Variants in G3BP1 observed in about 807,000 individuals in gnomAD.
G3BP1 encodes G3BP stress granule assembly factor 1.
Under a neutral mutation model 58.6 loss-of-function variants are expected in G3BP1, and 35 were observed. The ratio of observed to expected loss-of-function variants is 0.60; its 90% CI spans 0.46 to 0.79. The LOEUF is 0.79. Among genes scored for constraint, G3BP1 ranks in the 30% least tolerant of loss-of-function variants. The pLI is 0.00. For missense variants in G3BP1, 523 were observed against 580.8 expected (o/e 0.90, Z 1.02); for synonymous variants, 191 against 195.4 (o/e 0.98, Z 0.19).
At chr5:151,778,653 G>A (rs1391304438) in intron 1 of G3BP1, among the ~76,000 whole-genome samples, 2 of 151,972 alleles carry the variant, frequency 1.3e-5, no homozygotes, top group Admixed American at 6.5e-5. Flanking sequence ...TGTTGGCCAA[G>A]CTAGTCTCGA....
intron 1 of G3BP1, among the ~76,000 whole-genome samples, chr5:151,782,376 T>A (rs569070578): frequency 6.6e-6 from 1 of 152,334 alleles, no homozygotes; most frequent in South Asian, 2.1e-4. Flanking sequence ...GTTTTAAAGT[T>A]CATTTGTCAT....
chr5:151,780,229 C>T (rs1762442895), intron 1 of G3BP1, among the ~76,000 whole-genome samples: 1 of 152,212 alleles, frequency 6.6e-6, no homozygotes, highest in South Asian at 2.1e-4. Context: ...CCATTTAGTA[C>T]TTTCCTGAGA....
Position 151,799,927 on chromosome 5 carries a change from A to G in G3BP1, c.882A>G (p.Pro294=), listed in dbSNP as rs748766011. ...CTAAGCCTGAATCTCAGATTCCACC[A>G]CAAAGACCTCAGCGGGATCAAAGAG... is the stretch of plus-strand genomic sequence containing the variant. ...PESKPESQIP[P]QRPQRDQRVR... The change falls in exon 9 of 12, where the codon CCA becomes CCG. Residue 294 remains proline (P), a synonymous_variant. Transcript: ENST00000356245. The G allele has an allele frequency of 5.0e-6, 8 of 1,613,588 alleles. No homozygotes were observed. Among genetic ancestry groups the G allele is most frequent in the Non-Finnish European group, 1.7e-6 (2 of 1,179,488 alleles).
At chr5:151,783,716 C>T (rs1034465471) in intron 1 of G3BP1, among the ~76,000 whole-genome samples, 3 of 151,744 alleles carry the variant, frequency 2.0e-5, no homozygotes, top group Non-Finnish European at 4.4e-5. Flanking sequence ...CAAAATTACT[C>T]GCTAAACTTT....
chr5:151,786,001 C>T (rs74294716), intron 1 of G3BP1, among the ~76,000 whole-genome samples: 1 of 152,130 alleles, frequency 6.6e-6, no homozygotes, highest in Non-Finnish European at 1.5e-5. Flanking sequence ...GGCTTAATAA[C>T]TTAAGAAAAT....
intron 2 of G3BP1, chr5:151,787,727 C>T (rs970068374): frequency 2.4e-5 from 6 of 252,120 alleles, no homozygotes; most frequent in Non-Finnish European, 4.9e-5. Flanking sequence ...TGTGTATTTG[C>T]TGGACCAGAA....
chr5:151,791,106 A>C (rs113682979), intron 4 of G3BP1, 44 bp downstream of exon 4: 9 of 1,461,666 alleles, frequency 6.2e-6, no homozygotes, highest in Admixed American at 1.7e-5. Flanking sequence ...AATACATGAA[A>C]AAAGAAACAA....
chr5:151,803,115 G>A lies in G3BP1; in HGVS notation c.1195-770G>A, dbSNP rs17112265. On this transcript the variant is annotated intron_variant, in intron 11 of 11. Coordinates refer to ENST00000356245, the MANE Select transcript of G3BP1 (RefSeq NM_005754.3). ...TCTGTTAGGAGGAAACGAAGGCCAA[G>A]ACTATCCAAAATTCTCAGGAGGTGT... Among the ~76,000 whole-genome samples the A allele has an allele frequency of 4.6e-3, 706 of 152,282 alleles. 7 individuals are homozygous for A. Among genetic ancestry groups the A allele is most frequent in the African/African-American group, 0.016 (655 of 41,538 alleles).
Position 151,790,395 on chromosome 5 carries a change from C to A in G3BP1, c.168C>A (p.Tyr56Ter). Residue 56 changes from tyrosine to a stop codon, truncating the protein, a stop_gained, in exon 3 of 12, where the codon TAC becomes TAA. Coordinates refer to ENST00000356245, the MANE Select transcript of G3BP1 (RefSeq NM_005754.3). LOFTEE classifies it high-confidence loss of function. ...ATGGAAAGCCAGCAGATGCAGTCTA[C>A]GGACAGAAAGTAAGCATTTCAAGCC... ...DSNGKPADAV[Y>*]GQKEIHRKVM... The A allele has an allele frequency of 6.4e-7, 1 of 1,570,126 alleles. No homozygotes were observed. Among genetic ancestry groups the A allele is most frequent in the Non-Finnish European group, 8.7e-7 (1 of 1,153,566 alleles).
At position 151,812,211 on chromosome 5, in the gene G3BP1, A is replaced by G. The variant is rs940078481; in HGVS notation, c.*8120A>G. ...TAACAGACTCCACAGTCATGCTGGC[A>G]TTGTGACCTGAAGAATTACACAGTG... On this transcript the variant is annotated 3_prime_UTR_variant, in exon 12 of 12. Coordinates refer to ENST00000356245, the MANE Select transcript of G3BP1 (RefSeq NM_005754.3). 3.3e-5 allele frequency: 5 copies of G among 152,340 alleles called. No individual in the cohort carries two copies. The highest frequency in any genetic ancestry group is 2.0e-4 in the Admixed American group (3 of 15,304). 9.4% of individuals were successfully genotyped at this position (152,340 alleles called of 1,614,324 possible).
At chr5:151,800,075 T>C (rs988840820) in intron 9 of G3BP1, 75 bp downstream of exon 9, 3 of 1,167,758 alleles carry the variant, frequency 2.6e-6, no homozygotes, top group East Asian at 5.0e-5. Context: ...GCAGTTGATA[T>C]TTATATACTT....
intron 9 of G3BP1, 47 bp from the exon 10 acceptor site, chr5:151,800,171 T>C: frequency 6.3e-7 from 1 of 1,582,982 alleles, no homozygotes; most frequent in Non-Finnish European, 8.7e-7. Flanking sequence ...CATTGAAAGA[T>C]GTCTTCTTTC....
At chr5:151,782,923 T>A (rs1762495000) in intron 1 of G3BP1, among the ~76,000 whole-genome samples, 1 of 147,272 alleles carries the variant, frequency 6.8e-6, no homozygotes, top group South Asian at 2.2e-4. Context: ...AGTGGCGTGA[T>A]CTCGGCTCAC....
intron 5 of G3BP1, 106 bp downstream of exon 5, chr5:151,794,355 C>T (rs1001644934): frequency 1.5e-6 from 1 of 666,098 alleles, no homozygotes. Context: ...ACACTCTGTT[C>T]TTCATTAATA....
chr5:151,810,913 C>T lies in G3BP1; in HGVS notation c.*6822C>T, dbSNP rs185184886. 2 of 152,288 alleles carry T rather than the reference C, an allele frequency of 1.3e-5. No individual in the cohort carries two copies. The highest frequency in any genetic ancestry group is 1.9e-4 in the East Asian group (1 of 5,186). 9.4% of individuals were successfully genotyped at this position (152,288 alleles called of 1,614,324 possible). On this transcript the variant is annotated 3_prime_UTR_variant, in exon 12 of 12. Coordinates refer to ENST00000356245, the MANE Select transcript of G3BP1 (RefSeq NM_005754.3). ...GGTCTGGGTAACTAGCCATTTCTTC[C>T]TGATTGTGCCTAGTATATCCCAGAC...
At chr5:151,801,507 A>G (rs967415005) in intron 11 of G3BP1, among the ~76,000 whole-genome samples, 6 of 152,212 alleles carry the variant, frequency 3.9e-5, no homozygotes, top group African/African-American at 7.2e-5. Context: ...TTACTAAGCT[A>G]TACTTTTTTA....
At chr5:151,785,246 C>T (rs576909459) in intron 1 of G3BP1, among the ~76,000 whole-genome samples, 1 of 152,234 alleles carries the variant, frequency 6.6e-6, no homozygotes, top group South Asian at 2.1e-4. Flanking sequence ...CCTAGTATGA[C>T]TGGGAAGCTT....
chr5:151,781,992 G>A (rs1193357144), intron 1 of G3BP1, among the ~76,000 whole-genome samples: 1 of 151,384 alleles, frequency 6.6e-6, no homozygotes, highest in Admixed American at 6.6e-5. Context: ...AAATGCTTGG[G>A]ATTTTTTTTT....
At chr5:151,802,826 G>A (rs1467495171) in intron 11 of G3BP1, among the ~76,000 whole-genome samples, 3 of 152,130 alleles carry the variant, frequency 2.0e-5, no homozygotes, top group Non-Finnish European at 2.9e-5. Flanking sequence ...CCAGCTACTC[G>A]GGAGACTGAG....
Sources: allele counts gnomAD v4.1 joint callset (sites outside exome capture counted in the v4.1 genomes callset), GRCh38; gene constraint gnomAD v4.1.1; transcripts MANE v1.5; gene names NCBI Gene and HGNC (gene_info 2026-07-23, HGNC 2026-07-21).